Variants in MGAT5 observed in about 807,000 individuals in gnomAD.
MGAT5 encodes alpha-1,6-mannosylglycoprotein 6-beta-N-acetylglucosaminyltransferase.
Under a neutral mutation model 94.3 loss-of-function variants are expected in MGAT5, and 30 were observed. The ratio of observed to expected loss-of-function variants is 0.32; its 90% confidence interval spans 0.24 to 0.43. The LOEUF is 0.43. Ranked by LOEUF, MGAT5 falls within the 20% of genes least tolerant of loss-of-function variation. MGAT5 has a pLI of 1.00. For missense variants in MGAT5, 691 were observed against 905.5 expected (o/e 0.76, Z 3.04); for synonymous variants, 310 against 322.9 (o/e 0.96, Z 0.43).
intron 1 of MGAT5, among the ~76,000 whole-genome samples, chr2:134,148,879 C>T (rs967853079): frequency 6.6e-6 from 1 of 151,532 alleles, no homozygotes; most frequent in Non-Finnish European, 1.5e-5. Context: ...CTGCCTCAGC[C>T]TCCCGAGTAG....
chr2:134,435,654 A>T (rs1685128922), intron 14 of MGAT5, among the ~76,000 whole-genome samples: 1 of 152,110 alleles, frequency 6.6e-6, no homozygotes, highest in African/African-American at 2.4e-5. Context: ...CAACATGCAG[A>T]TGGTGTTTTT....
intron 1 of MGAT5, among the ~76,000 whole-genome samples, chr2:134,176,871 A>G (rs1297665306): frequency 6.6e-6 from 1 of 152,096 alleles, no homozygotes; most frequent in African/African-American, 2.4e-5. Flanking sequence ...GGATGCCTGG[A>G]GGCCCACCTT....
At chr2:134,348,028 G>T (rs1306431999) in intron 8 of MGAT5, among the ~76,000 whole-genome samples, 1 of 152,208 alleles carries the variant, frequency 6.6e-6, no homozygotes, top group African/African-American at 2.4e-5. Context: ...GCAGTGACCT[G>T]CAGAGCTGCC....
intron 1 of MGAT5, among the ~76,000 whole-genome samples, chr2:134,177,144 C>CGTGTGTGTATGTGTGTGTGTGT (rs1553488520): frequency 7.0e-6 from 1 of 142,530 alleles, no homozygotes; most frequent in Non-Finnish European, 1.5e-5. Flanking sequence ...CAAATGAACC[C>CGTGTGTGTATGTGTGTGTGTGT]GTGTGTGTGT....
At chr2:134,368,969 A>G (rs979231343) in intron 10 of MGAT5, among the ~76,000 whole-genome samples, 14 of 152,046 alleles carry the variant, frequency 9.2e-5, no homozygotes, top group African/African-American at 3.4e-4. Context: ...CCCCCTCCCT[A>G]GCACAGCACC....
intron 14 of MGAT5, among the ~76,000 whole-genome samples, chr2:134,430,441 C>G (rs1684818400): frequency 6.6e-6 from 1 of 152,196 alleles, no homozygotes; most frequent in Admixed American, 6.5e-5. Flanking sequence ...GAGGCTCCAC[C>G]TGGCTTCACC....
intron 2 of MGAT5, among the ~76,000 whole-genome samples, chr2:134,302,371 A>G (rs1185470604): frequency 6.6e-6 from 1 of 152,130 alleles, no homozygotes; most frequent in Non-Finnish European, 1.5e-5. Flanking sequence ...TACATCTATA[A>G]AGGCCTTAAA....
intron 1 of MGAT5, among the ~76,000 whole-genome samples, chr2:134,244,961 T>C (rs1052004097): frequency 3.3e-5 from 5 of 152,166 alleles, no homozygotes; most frequent in African/African-American, 1.2e-4. Flanking sequence ...TTAAAGTGAT[T>C]TATTTCATTT....
At chr2:134,330,616 C>G (rs1048266799) in intron 4 of MGAT5, among the ~76,000 whole-genome samples, 1 of 142,210 alleles carries the variant, frequency 7.0e-6, no homozygotes, top group Non-Finnish European at 1.5e-5. Flanking sequence ...AGCCTTCATA[C>G]ATGATGGTAT....
chr2:134,349,913 C>A lies in MGAT5; in HGVS notation c.1221C>A (p.Asn407Lys). ...HKTPWGKWNL[N>K]PQQFYTMFPH... ...CCCCTTGGGGAAAATGGAATCTGAA[C>A]CCTCAGCAGTTTTATACCATGTTCC... The change falls in exon 9 of 16, where the codon AAC becomes AAA. Residue 407 changes from asparagine to lysine, a missense_variant. Physicochemically the swap from Asn to Lys is moderately conservative, Grantham distance 94. Coordinates refer to ENST00000281923, the MANE Select transcript of MGAT5 (RefSeq NM_002410.5). The A allele has an allele frequency of 6.2e-7, 1 of 1,613,436 alleles. No homozygotes were observed. Among genetic ancestry groups the A allele is most frequent in the Non-Finnish European group, 8.5e-7 (1 of 1,179,608 alleles).
intron 1 of MGAT5, among the ~76,000 whole-genome samples, chr2:134,138,317 G>T (rs1255472542): frequency 6.6e-6 from 1 of 151,634 alleles, no homozygotes; most frequent in East Asian, 1.9e-4. Flanking sequence ...CCCCCACTCT[G>T]AACCACATTC....
chr2:134,127,793 G>A (rs921359188), intron 1 of MGAT5, among the ~76,000 whole-genome samples: 1 of 152,120 alleles, frequency 6.6e-6, no homozygotes, highest in Non-Finnish European at 1.5e-5. Context: ...CACTTGGAGG[G>A]TTCTACTAGT....
At chr2:134,213,529 A>G (rs1680312741) in intron 1 of MGAT5, among the ~76,000 whole-genome samples, 1 of 152,086 alleles carries the variant, frequency 6.6e-6, no homozygotes, top group Non-Finnish European at 1.5e-5. Context: ...CATACCCTAC[A>G]AGTTTAGGGC....
Position 134,279,655 on chromosome 2 carries a change from G to A in MGAT5, c.406+9105G>A, listed in dbSNP as rs562515053. ...GCTGTCCTGGGGACCTTGAAAGTGC[G>A]TCTACTCAGGGTTGTTCTTTGTATT... On this transcript the variant is annotated intron_variant, in intron 2 of 15. Coordinates refer to ENST00000281923, the MANE Select transcript of MGAT5 (RefSeq NM_002410.5). 1.6e-4 allele frequency among the ~76,000 whole-genome samples: 24 copies of A among 152,330 alleles called. No individual in the cohort carries two copies. In the East Asian group the frequency reaches 3.9e-3, roughly 24 times the overall value.
Position 134,441,847 on chromosome 2 carries a change from C to T in MGAT5, c.1959C>T (p.Cys653=). The change falls in exon 15 of 16, where the codon TGC becomes TGT. Residue 653 remains cysteine, a synonymous_variant. Transcript: ENST00000281923. Reference sequence around the variant, plus strand: ...CCGGGCAGTCCTGCAAGCAGGTGTGCCAGGAGAGCCAGCTCATCTGCGAGC... The same window carrying T: ...CCGGGCAGTCCTGCAAGCAGGTGTGTCAGGAGAGCCAGCTCATCTGCGAGC... ...AEPGQSCKQV[C]QESQLICEPS... 1 of 1,614,106 alleles carries T rather than the reference C, an allele frequency of 6.2e-7. No homozygotes were observed. Among genetic ancestry groups the T allele is most frequent in the Non-Finnish European group, 8.5e-7 (1 of 1,179,982 alleles).
At chr2:134,295,867 G>A (rs1168312675) in intron 2 of MGAT5, among the ~76,000 whole-genome samples, 2 of 152,144 alleles carry the variant, frequency 1.3e-5, no homozygotes, top group East Asian at 3.9e-4. Context: ...GATGGGTTCG[G>A]TGGATTTACA....
chr2:134,241,278 TC>T (rs1396691352), intron 1 of MGAT5, among the ~76,000 whole-genome samples: 5 of 152,206 alleles, frequency 3.3e-5, no homozygotes, highest in Admixed American at 6.5e-5. Flanking sequence ...CAGACATAAT[TC>T]CCCACTATGG....
intron 9 of MGAT5, among the ~76,000 whole-genome samples, chr2:134,359,576 C>T (rs1052164836): frequency 2.0e-5 from 3 of 152,172 alleles, no homozygotes; most frequent in Admixed American, 6.5e-5. Context: ...GGAGGGATTA[C>T]TAAAAGTACA....
At chr2:134,406,543 C>A (rs992494178) in intron 11 of MGAT5, among the ~76,000 whole-genome samples, 2 of 152,154 alleles carry the variant, frequency 1.3e-5, no homozygotes, top group Non-Finnish European at 2.9e-5. Context: ...CCCTGCCCCC[C>A]ACCAACTATG....
Sources: allele counts gnomAD v4.1 joint callset (sites outside exome capture counted in the v4.1 genomes callset), GRCh38; gene constraint gnomAD v4.1.1; transcripts MANE v1.5; gene names NCBI Gene and HGNC (gene_info 2026-07-23, HGNC 2026-07-21).